PTPRK: variants seen among roughly 807,000 people sequenced by gnomAD.
PTPRK encodes the protein protein tyrosine phosphatase receptor type K, also known as receptor-type tyrosine-protein phosphatase kappa.
PTPRK carries 75 observed loss-of-function variants against 178.0 expected under a neutral mutation model. The observed-to-expected ratio is 0.42, with a 90% CI of 0.35 to 0.51. The LOEUF is 0.51. Ranked by LOEUF, PTPRK falls within the 20% of genes least tolerant of loss-of-function variation. PTPRK has a pLI of 0.02. For missense variants in PTPRK, 1,441 were observed against 1,797.8 expected, an observed-to-expected ratio of 0.80 and a Z score of 3.59; for synonymous variants, 637 against 620.6, an observed-to-expected ratio of 1.03 and a Z score of -0.39.
chr6:127,973,756 T>C lies in PTPRK; in HGVS notation c.4041A>G (p.Gly1347=). ...LGWASHREVP[G]SKRSFLKLIL... is the part of the protein sequence containing the mutation. Reference sequence around the variant, plus strand: ...TCAGTTTCAAGAATGACCTTTTGGATCCAGGCACTTCTCGATGAGAAGCCC... The same window carrying C: ...TCAGTTTCAAGAATGACCTTTTGGACCCAGGCACTTCTCGATGAGAAGCCC... Residue 1347 remains glycine (G), a synonymous_variant, in exon 28 of 30, where the codon GGA becomes GGG. Transcript: ENST00000368226. 6.2e-7 allele frequency: 1 copy of C among 1,614,030 alleles called. No individual in the cohort carries two copies. Among genetic ancestry groups the C allele is most frequent in the Middle Eastern group, 1.7e-4 (1 of 6,060 alleles).
chr6:128,060,028 G>A (rs1372625421), intron 13 of PTPRK, among the ~76,000 whole-genome samples: 1 of 152,060 alleles, frequency 6.6e-6, no homozygotes, highest in Non-Finnish European at 1.5e-5. Context: ...CTAGGAACAT[G>A]GTGGAGAAGA....
At chr6:128,158,671 A>AT (rs1798279900) in intron 7 of PTPRK, among the ~76,000 whole-genome samples, 1 of 151,608 alleles carries the variant, frequency 6.6e-6, no homozygotes, top group Non-Finnish European at 1.5e-5. Context: ...CCTATTTTTC[A>AT]TTTTTTCCTT....
At chr6:128,305,978 T>G (rs1409909691) in intron 3 of PTPRK, among the ~76,000 whole-genome samples, 2 of 152,186 alleles carry the variant, frequency 1.3e-5, no homozygotes, top group Non-Finnish European at 2.9e-5. Context: ...GAAGCAGATA[T>G]CTTCTTCACA....
At chr6:128,235,782 T>C (rs949781882) in intron 5 of PTPRK, among the ~76,000 whole-genome samples, 3 of 152,070 alleles carry the variant, frequency 2.0e-5, no homozygotes, top group African/African-American at 7.2e-5. Flanking sequence ...CCCAAGCAGA[T>C]GAACCTCCTT....
At chr6:128,452,225 C>A (rs1188101482) in intron 1 of PTPRK, among the ~76,000 whole-genome samples, 1 of 152,106 alleles carries the variant, frequency 6.6e-6, no homozygotes, top group Non-Finnish European at 1.5e-5. Context: ...TCCCCTTTCA[C>A]TTTCTCTGTA....
intron 1 of PTPRK, among the ~76,000 whole-genome samples, chr6:128,463,233 T>C (rs961158731): frequency 1.3e-5 from 2 of 152,176 alleles, no homozygotes; most frequent in Non-Finnish European, 2.9e-5. Flanking sequence ...TATTCACAAC[T>C]AGAAAAGTCA....
At chr6:128,271,088 T>C (rs1276338375) in intron 3 of PTPRK, among the ~76,000 whole-genome samples, 3 of 151,996 alleles carry the variant, frequency 2.0e-5, no homozygotes, top group Non-Finnish European at 4.4e-5. Context: ...CAAAAGGCTA[T>C]ATGTGTTCTG....
chr6:128,344,792 A>G (rs2128333806), intron 2 of PTPRK, among the ~76,000 whole-genome samples: 1 of 152,294 alleles, frequency 6.6e-6, no homozygotes, highest in Admixed American at 6.5e-5. Flanking sequence ...CTGAGACTAC[A>G]GGCATGAGCC....
intron 3 of PTPRK, among the ~76,000 whole-genome samples, chr6:128,282,893 A>C (rs957848164): frequency 7.9e-5 from 12 of 152,186 alleles, no homozygotes; most frequent in African/African-American, 2.9e-4. Context: ...AAGTGTACAA[A>C]ACGGAATGGT....
chr6:128,020,945 T>A (rs1305236506), intron 13 of PTPRK, among the ~76,000 whole-genome samples: 1 of 152,162 alleles, frequency 6.6e-6, no homozygotes, highest in Non-Finnish European at 1.5e-5. Context: ...GCACTACAAT[T>A]TTTAGAGGTG....
At chr6:128,135,733 T>C (rs1794921589) in intron 7 of PTPRK, among the ~76,000 whole-genome samples, 1 of 151,960 alleles carries the variant, frequency 6.6e-6, no homozygotes, top group Admixed American at 6.6e-5. Flanking sequence ...TTTATAACAG[T>C]GAAGCTAAGT....
intron 1 of PTPRK, among the ~76,000 whole-genome samples, chr6:128,485,304 T>C (rs1010322173): frequency 7.9e-5 from 12 of 152,338 alleles, no homozygotes; most frequent in African/African-American, 2.6e-4. Context: ...AGTCTTCATG[T>C]AGTTCTGCTG....
chr6:128,397,322 G>T (rs1840443577), intron 2 of PTPRK, among the ~76,000 whole-genome samples: 1 of 148,660 alleles, frequency 6.7e-6, no homozygotes. Flanking sequence ...TTTGTCACTT[G>T]GGTTTTTATT....
At chr6:128,037,685 T>C (rs1448440676) in intron 13 of PTPRK, among the ~76,000 whole-genome samples, 1 of 152,162 alleles carries the variant, frequency 6.6e-6, no homozygotes, top group Non-Finnish European at 1.5e-5. Context: ...AGAAAACCTC[T>C]TAGCATCATG....
At chr6:128,118,731 C>T (rs1791971892) in intron 7 of PTPRK, among the ~76,000 whole-genome samples, 1 of 152,214 alleles carries the variant, frequency 6.6e-6, no homozygotes, top group African/African-American at 2.4e-5. Context: ...GCAACCCCAA[C>T]ATTAACCTTT....
At chr6:128,151,976 T>G (rs894856836) in intron 7 of PTPRK, among the ~76,000 whole-genome samples, 3 of 151,800 alleles carry the variant, frequency 2.0e-5, no homozygotes, top group African/African-American at 7.3e-5. Flanking sequence ...AAGATAAAAA[T>G]TTCAAGATGA....
intron 11 of PTPRK, 59 bp from the exon 12 acceptor site, chr6:128,067,851 G>T: frequency 7.1e-7 from 1 of 1,411,262 alleles, no homozygotes; most frequent in Non-Finnish European, 9.4e-7. Flanking sequence ...AGAGATTTAA[G>T]ATACTAAGAT....
chr6:128,078,305 G>C (rs1307872922), intron 11 of PTPRK, among the ~76,000 whole-genome samples: 1 of 151,836 alleles, frequency 6.6e-6, no homozygotes, highest in African/African-American at 2.4e-5. Context: ...ACAAACCAAA[G>C]GAAACCAAAC....
At chr6:128,070,934 T>G (rs1440666386) in intron 11 of PTPRK, among the ~76,000 whole-genome samples, 2 of 151,878 alleles carry the variant, frequency 1.3e-5, no homozygotes, top group African/African-American at 4.8e-5. Context: ...TTAGGACATA[T>G]CTAAGATACT....
Sources: allele counts gnomAD v4.1 joint callset (sites outside exome capture counted in the v4.1 genomes callset), GRCh38; gene constraint gnomAD v4.1.1; transcripts MANE v1.5; gene names NCBI Gene and HGNC (gene_info 2026-07-23, HGNC 2026-07-21).